The following DISP1 variants were observed in gnomAD, a reference collection of about 807,000 sequenced individuals.
DISP1 encodes the protein protein dispatched homolog 1.
In DISP1, 30 loss-of-function variants were observed where a neutral mutation model predicts 37.3. That is an observed-to-expected ratio of 0.80 (90% CI 0.60 to 1.09). The LOEUF (loss-of-function observed/expected upper bound fraction) is 1.09, where lower values mean the gene tolerates loss of function less well. Among genes scored for constraint, DISP1 ranks in the 50% least tolerant of loss-of-function variants. The pLI is 0.00. For missense variants in DISP1, 1,598 were observed against 1,879.5 expected, an observed-to-expected ratio of 0.85 and a Z score of 2.77; for synonymous variants, 634 against 690.2, an observed-to-expected ratio of 0.92 and a Z score of 1.28.
Position 222,920,769 on chromosome 1 carries a change from T to C in DISP1, c.-158-7661T>C, listed in dbSNP as rs115818817. The stretch of plus-strand genomic sequence containing the variant: ...ACGTCTTCTCTGAAATTTAATGATC[T>C]CTATGGTTTTTGCTTTAAAATATGT... On this transcript the variant is annotated intron_variant, in intron 1 of 8. Coordinates refer to ENST00000675850, the MANE Select transcript of DISP1 (RefSeq NM_001377229.1). Among the ~76,000 whole-genome samples the C allele has an allele frequency of 7.0e-3, 1,059 of 152,254 alleles. 16 individuals carry two copies. Among genetic ancestry groups the C allele is most frequent in the African/African-American group, 0.024 (983 of 41,552 alleles).
chr1:222,848,080 A>G (rs1214952795), intron 1 of DISP1, among the ~76,000 whole-genome samples: 1 of 151,760 alleles, frequency 6.6e-6, no homozygotes, highest in Non-Finnish European at 1.5e-5. Flanking sequence ...TATTTTTCTG[A>G]ATGGATAACT....
intron 1 of DISP1, among the ~76,000 whole-genome samples, chr1:222,878,393 A>G (rs1211603551): frequency 6.6e-6 from 1 of 152,180 alleles, no homozygotes; most frequent in East Asian, 1.9e-4. Context: ...ACACAAAGTT[A>G]AAGCCTAAAA....
chr1:222,863,536 C>CA (rs35141337), intron 1 of DISP1, among the ~76,000 whole-genome samples: 4,355 of 131,628 alleles, frequency 0.033, 181 homozygotes, highest in African/African-American at 0.11. Context: ...GACCCTATCT[C>CA]AAAAAAAAAA....
chr1:222,847,779 GT>G (rs1667998141), intron 1 of DISP1, among the ~76,000 whole-genome samples: 1 of 152,092 alleles, frequency 6.6e-6, no homozygotes, highest in Admixed American at 6.6e-5. Context: ...AAGGAAGAAA[GT>G]TCCTCCCAGT....
chr1:222,892,023 T>G (rs1670971862), intron 1 of DISP1, among the ~76,000 whole-genome samples: 2 of 149,248 alleles, frequency 1.3e-5, no homozygotes, highest in Non-Finnish European at 1.5e-5. Flanking sequence ...GAGGAGGGAG[T>G]GATACCTTAC....
chr1:222,835,233 A>G (rs902822740), intron 1 of DISP1: 17 of 152,340 alleles, frequency 1.1e-4, no homozygotes, highest in African/African-American at 3.8e-4. Flanking sequence ...CAAATTTTGA[A>G]AGAGTCATTT....
chr1:222,892,254 CAG>C (rs1161194720), intron 1 of DISP1, among the ~76,000 whole-genome samples: 3 of 152,090 alleles, frequency 2.0e-5, no homozygotes, highest in South Asian at 2.1e-4. Context: ...AAACATGACA[CAG>C]AGAGTCAAAG....
At chr1:222,832,614 G>A (rs1011429061) in intron 1 of DISP1, among the ~76,000 whole-genome samples, 1 of 152,150 alleles carries the variant, frequency 6.6e-6, no homozygotes, top group Non-Finnish European at 1.5e-5. Flanking sequence ...TAAAATGAAG[G>A]CCCGGCATGG....
At chr1:222,929,323 A>G (rs1359036780) in intron 2 of DISP1, among the ~76,000 whole-genome samples, 2 of 152,182 alleles carry the variant, frequency 1.3e-5, no homozygotes, top group Non-Finnish European at 2.9e-5. Context: ...TGGTGGAAAA[A>G]TTCAAATTAG....
chr1:222,991,103 C>T (rs1054129058), intron 5 of DISP1, among the ~76,000 whole-genome samples: 2 of 152,130 alleles, frequency 1.3e-5, no homozygotes, highest in South Asian at 2.1e-4. Flanking sequence ...TAACAGATCA[C>T]AGAGTCTGTT....
intron 1 of DISP1, among the ~76,000 whole-genome samples, chr1:222,842,197 T>A (rs954147097): frequency 6.6e-6 from 1 of 152,106 alleles, no homozygotes; most frequent in Non-Finnish European, 1.5e-5. Context: ...CAGCTCTTTT[T>A]TAAAGCCTTT....
At chr1:222,972,199 C>G (rs533928824) in intron 3 of DISP1, among the ~76,000 whole-genome samples, 3 of 152,068 alleles carry the variant, frequency 2.0e-5, no homozygotes, top group African/African-American at 7.2e-5. Context: ...AAAATGTCAC[C>G]AGAATTATTT....
chr1:222,920,392 T>A (rs1242079038), intron 1 of DISP1, among the ~76,000 whole-genome samples: 1 of 152,202 alleles, frequency 6.6e-6, no homozygotes. Context: ...TATTGTAATT[T>A]GCTTTTAAAT....
intron 2 of DISP1, among the ~76,000 whole-genome samples, chr1:222,939,450 T>G (rs2125484107): frequency 6.7e-6 from 1 of 150,176 alleles, no homozygotes; most frequent in African/African-American, 2.5e-5. Context: ...TAGAGGGGAT[T>G]TCAGGGTTCT....
intron 4 of DISP1, chr1:222,989,304 A>C: frequency 2.2e-6 from 2 of 905,812 alleles, no homozygotes; most frequent in Non-Finnish European, 2.6e-6. Flanking sequence ...TGAGAATTTG[A>C]GAGTAGTGGT....
rs1572444897 is a variant in DISP1, at chr1:222,893,760, G to A, written c.-158-34670G>A. Among the ~76,000 whole-genome samples, 1 of 152,186 alleles carries A rather than the reference G, an allele frequency of 6.6e-6. No individual in the cohort carries two copies. The highest frequency in any genetic ancestry group is 1.5e-5 in the Non-Finnish European group (1 of 68,032). On this transcript the variant is annotated intron_variant, in intron 1 of 8. Coordinates refer to ENST00000675850, the MANE Select transcript of DISP1 (RefSeq NM_001377229.1). The surrounding 1 kb of genome is among the most constrained non-coding windows in gnomAD (Gnocchi z 4.3). ...TGGCTCCGGGAGCTCCTAGATGTGG[G>A]CTCCCTTCTCTCCTTCTTGTTGCCC... is the stretch of plus-strand genomic sequence containing the variant.
intron 1 of DISP1, among the ~76,000 whole-genome samples, chr1:222,896,936 C>T (rs1671296704): frequency 6.6e-6 from 1 of 152,134 alleles, no homozygotes; most frequent in Non-Finnish European, 1.5e-5. Flanking sequence ...TGTGAAATGG[C>T]AAAACCACTT....
chr1:222,833,319 T>A (rs1666227111), intron 1 of DISP1, among the ~76,000 whole-genome samples: 3 of 152,198 alleles, frequency 2.0e-5, no homozygotes, highest in African/African-American at 7.2e-5. Context: ...TATTATTAAG[T>A]AGGTTCTTCC....
chr1:222,883,430 C>T (rs1309489231), intron 1 of DISP1, among the ~76,000 whole-genome samples: 1 of 151,938 alleles, frequency 6.6e-6, no homozygotes, highest in African/African-American at 2.4e-5. Context: ...CCAGCCTGGC[C>T]AACATGGTAA....
Sources: gnomAD v4.1 joint callset for allele counts (sites outside exome capture counted in the v4.1 genomes callset) on GRCh38, gnomAD v4.1.1 for gene constraint, Gnocchi (gnomAD v3.1) non-coding constraint, MANE v1.5 for transcripts, NCBI Gene and HGNC (gene_info 2026-07-23, HGNC 2026-07-21) for gene names.